Variants in SENP5 observed in about 807,000 individuals in gnomAD.
The protein encoded by SENP5 is SUMO specific peptidase 5.
Under a neutral mutation model 74.2 loss-of-function variants are expected in SENP5, and 21 were observed. The ratio of observed to expected loss-of-function variants is 0.28; its 90% confidence interval spans 0.20 to 0.41. The LOEUF (loss-of-function observed/expected upper bound fraction) is 0.41, where lower values mean the gene tolerates loss of function less well. SENP5 is among the 10% of genes least tolerant of loss of function. The pLI is 1.00. For missense variants in SENP5, 717 were observed against 889.1 expected (o/e 0.81, Z 2.46); for synonymous variants, 311 against 312.7 (o/e 0.99, Z 0.06).
At chr3:196,923,114 A>G (rs1393755316) in intron 6 of SENP5, among the ~76,000 whole-genome samples, 1 of 152,236 alleles carries the variant, frequency 6.6e-6, no homozygotes, top group African/African-American at 2.4e-5. Context: ...CAGGTTAAAT[A>G]TGTATATGAG....
chr3:196,870,106 AT>A (rs1190093182), intron 1 of SENP5, among the ~76,000 whole-genome samples: 1 of 152,010 alleles, frequency 6.6e-6, no homozygotes, highest in Non-Finnish European at 1.5e-5. Flanking sequence ...TCACCTTGGC[AT>A]TTGCGATATT....
At chr3:196,929,219 T>C (rs998104264) in intron 8 of SENP5, 4 of 176,972 alleles carry the variant, frequency 2.3e-5, no homozygotes, top group Non-Finnish European at 4.7e-5. Flanking sequence ...TAGGACAGGG[T>C]CGTGTGATGT....
intron 1 of SENP5, among the ~76,000 whole-genome samples, chr3:196,876,713 CAAAA>C (rs34016373): frequency 9.2e-6 from 1 of 108,198 alleles, no homozygotes. Context: ...CGTATTTCTA[CAAAA>C]AAAAAAAAAA....
At chr3:196,897,107 A>T (rs914970697) in intron 2 of SENP5, among the ~76,000 whole-genome samples, 4 of 152,202 alleles carry the variant, frequency 2.6e-5, no homozygotes, top group Middle Eastern at 3.2e-3. Context: ...TCCATATCCC[A>T]TTGTGGGGGA....
chr3:196,908,017 C>T (rs1714976387), intron 6 of SENP5, among the ~76,000 whole-genome samples: 1 of 152,178 alleles, frequency 6.6e-6, no homozygotes. Flanking sequence ...CATCTGCAGT[C>T]TGAACACTTT....
chr3:196,906,893 G>A (rs774219399), intron 6 of SENP5, among the ~76,000 whole-genome samples: 25 of 152,206 alleles, frequency 1.6e-4, no homozygotes, highest in Non-Finnish European at 2.5e-4. Context: ...GGCAGAACAG[G>A]AGACCATTTC....
chr3:196,918,199 C>G (rs918796506), intron 6 of SENP5, among the ~76,000 whole-genome samples: 2 of 150,650 alleles, frequency 1.3e-5, no homozygotes, highest in Admixed American at 1.3e-4. Flanking sequence ...CCCAGCTACT[C>G]GGGAGGCTGA....
intron 8 of SENP5, among the ~76,000 whole-genome samples, chr3:196,928,913 G>A (rs1433725598): frequency 6.6e-6 from 1 of 152,178 alleles, no homozygotes; most frequent in East Asian, 1.9e-4. Flanking sequence ...CTGTTGGCCG[G>A]GCACAGTGGC....
intron 6 of SENP5, among the ~76,000 whole-genome samples, chr3:196,917,106 C>T (rs78358414): frequency 0.016 from 2,408 of 152,152 alleles, 56 homozygotes; most frequent in African/African-American, 0.053. Context: ...TGCACTCCAG[C>T]CTGGGCAACA....
chr3:196,915,946 A>G (rs928829736), intron 6 of SENP5, among the ~76,000 whole-genome samples: 8 of 152,212 alleles, frequency 5.3e-5, no homozygotes, highest in African/African-American at 1.7e-4. Flanking sequence ...AGAAGGACAG[A>G]TAAAAACAAG....
At chr3:196,903,490 A>G (rs766778248) in intron 5 of SENP5, 43 bp from the exon 6 acceptor site, 1 of 1,245,768 alleles carries the variant, frequency 8.0e-7, no homozygotes, top group Non-Finnish European at 1.1e-6. Flanking sequence ...ATCTGGGCAC[A>G]GCCTAATATA....
chr3:196,918,089 C>G (rs1033012661), intron 6 of SENP5, among the ~76,000 whole-genome samples: 1 of 148,892 alleles, frequency 6.7e-6, no homozygotes, highest in Non-Finnish European at 1.5e-5. Flanking sequence ...GCAGGTGGAT[C>G]ACGAGGTCAG....
chr3:196,878,685 G>A (rs774225573), intron 1 of SENP5, among the ~76,000 whole-genome samples: 24 of 152,156 alleles, frequency 1.6e-4, no homozygotes, highest in Non-Finnish European at 3.2e-4. Flanking sequence ...TCCGTCTCTC[G>A]GGTTCAAGTG....
rs1025315954 is a variant in SENP5 at position 196,931,095 on chromosome 3, C to T, written c.*172C>T. 14 of 586,690 alleles carry T rather than the reference C, an allele frequency of 2.4e-5. No homozygotes were observed. Among genetic ancestry groups the T allele is most frequent in the Admixed American group, 6.1e-5 (2 of 32,890 alleles). The allele number at this position is 586,690 out of a possible 1,614,324, so 36.3% of individuals were successfully genotyped here. ...TATTCATTTCTCCAGCTACCATGTA[C>T]TATTGTTTAATGTTCAGTTTGGTTT... On this transcript the variant is annotated 3_prime_UTR_variant, in exon 10 of 10. Transcript: ENST00000323460.
rs562313629 is a variant in SENP5 at position 196,899,039 on chromosome 3, A to G, written c.1514-627A>G. ...GCTTGTAGTGAGCAGAGATCGTGCC[A>G]CTGCACTCCAGCCTGGGCAACAGAG... On this transcript the variant is annotated intron_variant, in intron 2 of 9. Transcript: ENST00000323460. 3.5e-4 allele frequency among the ~76,000 whole-genome samples: 52 copies of G among 150,164 alleles called. 1 individual carries two copies. The highest frequency in any genetic ancestry group is 6.3e-4 in the Non-Finnish European group (43 of 67,734).
intron 6 of SENP5, among the ~76,000 whole-genome samples, chr3:196,915,715 A>G (rs928777176): frequency 3.3e-5 from 5 of 152,052 alleles, no homozygotes; most frequent in African/African-American, 1.2e-4. Flanking sequence ...GGAGAGAGAG[A>G]CTATTTGGGG....
chr3:196,903,074 A>G (rs1399603830), intron 5 of SENP5, among the ~76,000 whole-genome samples: 3 of 152,202 alleles, frequency 2.0e-5, no homozygotes, highest in South Asian at 2.1e-4. Context: ...GGTCATTCCA[A>G]TAAAACTTTG....
At position 196,930,953 on chromosome 3, in the gene SENP5, C is replaced by T; in HGVS notation, c.*30C>T. The T allele has an allele frequency of 1.5e-6, 2 of 1,357,716 alleles. No homozygotes were observed. The highest frequency in any genetic ancestry group is 1.2e-5 in the South Asian group (1 of 85,642). 84.1% of individuals were successfully genotyped at this position (1,357,716 alleles called of 1,614,324 possible). ...CAGCAGGGACTCTGGGAAGTCTGAC[C>T]AAGTTGGAGCAGATGGTTTGTTACT... On this transcript the variant is annotated 3_prime_UTR_variant, in exon 10 of 10. Transcript: ENST00000323460.
chr3:196,891,363 T>C (rs1325642818), intron 2 of SENP5, among the ~76,000 whole-genome samples: 1 of 152,168 alleles, frequency 6.6e-6, no homozygotes, highest in Non-Finnish European at 1.5e-5. Flanking sequence ...TGGAATTAGG[T>C]AGTAGTGATA....
Sources: gnomAD v4.1 joint callset for allele counts (sites outside exome capture counted in the v4.1 genomes callset) on GRCh38, gnomAD v4.1.1 for gene constraint, MANE v1.5 for transcripts, NCBI Gene and HGNC (gene_info 2026-07-23, HGNC 2026-07-21) for gene names.